IQCM: variants seen among roughly 807,000 people sequenced by gnomAD.
The protein encoded by IQCM is IQ domain-containing protein M.
IQCM carries 45 observed loss-of-function variants against 57.6 expected under a neutral mutation model. That is an observed-to-expected ratio of 0.78 (90% CI 0.62 to 1.00). The LOEUF is 1.00. Ranked by LOEUF, IQCM falls within the 50% of genes least tolerant of loss-of-function variation. IQCM has a pLI of 0.00. For synonymous variants in IQCM, 148 were observed against 158.9 expected (o/e 0.93, Z 0.51); for missense variants, 468 against 511.6 (o/e 0.91, Z 0.82).
chr4:149,688,597 A>C (rs2149792256), intron 5 of IQCM, among the ~76,000 whole-genome samples: 1 of 152,208 alleles, frequency 6.6e-6, no homozygotes, highest in Non-Finnish European at 1.5e-5. Context: ...AATTTTTTAA[A>C]AAACAATTCT....
intron 7 of IQCM, among the ~76,000 whole-genome samples, chr4:149,658,765 C>A (rs1170736801): frequency 6.6e-6 from 1 of 151,846 alleles, no homozygotes; most frequent in Non-Finnish European, 1.5e-5. Flanking sequence ...TCCTTGAGTT[C>A]TTTTTCAGAC....
intron 2 of IQCM, among the ~76,000 whole-genome samples, chr4:149,774,280 T>C (rs1027740968): frequency 2.6e-5 from 4 of 152,172 alleles, no homozygotes; most frequent in African/African-American, 9.7e-5. Flanking sequence ...ATTAAGTATA[T>C]ACACGCTGGT....
chr4:149,474,735 T>A lies in IQCM; in HGVS notation c.1229-41178A>T, dbSNP rs1459999315. Reference sequence around the variant, plus strand: ...TGTCTCAAAAATAAATAAATAAATATATATAATTAAAAAATAAAAACAGAG... The same window carrying A: ...TGTCTCAAAAATAAATAAATAAATAAATATAATTAAAAAATAAAAACAGAG... On this transcript the variant is annotated intron_variant, in intron 12 of 13. Coordinates refer to ENST00000636793, the MANE Select transcript of IQCM (RefSeq NM_001363507.2). 4.0e-5 allele frequency among the ~76,000 whole-genome samples: 6 copies of A among 151,168 alleles called. No homozygotes were observed. The East Asian group carries it at 1.2e-3, about 29-fold the overall frequency.
intron 2 of IQCM, among the ~76,000 whole-genome samples, chr4:149,775,837 G>A (rs561103418): frequency 1.3e-5 from 2 of 152,134 alleles, no homozygotes; most frequent in Non-Finnish European, 2.9e-5. Flanking sequence ...GATTAAGAGT[G>A]CCCTAAATGA....
intron 2 of IQCM, among the ~76,000 whole-genome samples, chr4:149,796,813 C>A (rs1346128260): frequency 1.3e-5 from 2 of 152,174 alleles, no homozygotes; most frequent in African/African-American, 4.8e-5. Context: ...CCAAAACTAT[C>A]AAGGCAGCAC....
At chr4:149,557,668 C>G (rs909300327) in intron 10 of IQCM, among the ~76,000 whole-genome samples, 1 of 151,586 alleles carries the variant, frequency 6.6e-6, no homozygotes, top group Non-Finnish European at 1.5e-5. Context: ...AACTTCCCAC[C>G]GGCAAGTCTA....
At chr4:149,789,211 T>C (rs1172914042) in intron 2 of IQCM, among the ~76,000 whole-genome samples, 2 of 152,288 alleles carry the variant, frequency 1.3e-5, no homozygotes, top group Middle Eastern at 3.4e-3. Flanking sequence ...CCCTAAATAC[T>C]CTGACTTGAC....
intron 2 of IQCM, among the ~76,000 whole-genome samples, chr4:149,761,793 G>C (rs1036909737): frequency 2.0e-5 from 3 of 152,070 alleles, no homozygotes; most frequent in African/African-American, 7.2e-5. Flanking sequence ...CAAAGAGCTA[G>C]TTCCTTAGAA....
chr4:149,650,446 G>A (rs1013695950), intron 7 of IQCM, among the ~76,000 whole-genome samples: 2 of 147,942 alleles, frequency 1.4e-5, no homozygotes, highest in African/African-American at 5.0e-5. Context: ...AGGCTGGAGT[G>A]CAGTGGCGTG....
At chr4:149,553,370 C>A (rs146542576) in intron 10 of IQCM, 83 bp from the exon 11 acceptor site, 2 of 1,107,460 alleles carry the variant, frequency 1.8e-6, no homozygotes, top group South Asian at 9.4e-5. Flanking sequence ...TCTATTTCAC[C>A]TAGTTTCTAA....
intron 12 of IQCM, among the ~76,000 whole-genome samples, chr4:149,516,163 T>C (rs1263865771): frequency 1.3e-5 from 2 of 152,222 alleles, no homozygotes; most frequent in African/African-American, 4.8e-5. Flanking sequence ...GAGTCCTCGA[T>C]ATGGCACCAC....
At chr4:149,446,597 G>A (rs897308511) in intron 12 of IQCM, among the ~76,000 whole-genome samples, 11 of 151,602 alleles carry the variant, frequency 7.3e-5, no homozygotes, top group African/African-American at 2.7e-4. Context: ...TTTGGAAGCA[G>A]TTGAGGGAAA....
At chr4:149,426,625 T>C (rs1026810535) in intron 13 of IQCM, among the ~76,000 whole-genome samples, 14 of 151,936 alleles carry the variant, frequency 9.2e-5, no homozygotes, top group African/African-American at 3.4e-4. Context: ...CATTTCCACA[T>C]TGTATTACTC....
At chr4:149,510,160 T>A (rs1478970229) in intron 12 of IQCM, among the ~76,000 whole-genome samples, 1 of 152,180 alleles carries the variant, frequency 6.6e-6, no homozygotes, top group Non-Finnish European at 1.5e-5. Flanking sequence ...ACCACTCTTT[T>A]AAATTTTTAA....
At chr4:149,353,481 C>T (rs950823708) in intron 13 of IQCM, among the ~76,000 whole-genome samples, 9 of 152,142 alleles carry the variant, frequency 5.9e-5, no homozygotes, top group South Asian at 4.1e-4. Flanking sequence ...ATTATCTACA[C>T]GTGCACATTC....
At chr4:149,383,412 A>G (rs1039740554) in intron 13 of IQCM, among the ~76,000 whole-genome samples, 2 of 152,196 alleles carry the variant, frequency 1.3e-5, no homozygotes, top group African/African-American at 4.8e-5. Flanking sequence ...GTTATACCAC[A>G]TGAATGTGAT....
chr4:149,618,939 A>T (rs1756041108), intron 8 of IQCM, among the ~76,000 whole-genome samples: 1 of 152,114 alleles, frequency 6.6e-6, no homozygotes, highest in Admixed American at 6.6e-5. Context: ...AGAACTAAAA[A>T]TAGAACTAAC....
At chr4:149,559,005 G>T (rs950990102) in intron 10 of IQCM, among the ~76,000 whole-genome samples, 6 of 151,990 alleles carry the variant, frequency 3.9e-5, no homozygotes, top group Admixed American at 2.0e-4. Context: ...CCTCTTGCCT[G>T]CCCTTTCCCT....
At chr4:149,590,578 T>A (rs1753061553) in intron 8 of IQCM, among the ~76,000 whole-genome samples, 1 of 152,002 alleles carries the variant, frequency 6.6e-6, no homozygotes, top group Non-Finnish European at 1.5e-5. Flanking sequence ...ATTAGGTTTT[T>A]CTCCTAATGC....
Sources: allele counts gnomAD v4.1 joint callset (sites outside exome capture counted in the v4.1 genomes callset), GRCh38; gene constraint gnomAD v4.1.1; transcripts MANE v1.5; gene names NCBI Gene and HGNC (gene_info 2026-07-23, HGNC 2026-07-21).